Variants in ANKRD27 observed in about 807,000 individuals in gnomAD.
ANKRD27 encodes the protein ankyrin repeat domain-containing protein 27.
Under a neutral mutation model 129.7 loss-of-function variants are expected in ANKRD27, and 112 were observed. The observed-to-expected ratio is 0.86, with a 90% confidence interval of 0.74 to 1.01. ANKRD27 has a LOEUF of 1.01. ANKRD27 is among the 50% of genes least tolerant of loss of function. The pLI, the probability that ANKRD27 is intolerant of heterozygous loss-of-function variation, is 0.00. For missense variants in ANKRD27, 1,258 were observed against 1,300.5 expected (o/e 0.97, Z 0.50); for synonymous variants, 516 against 511.2 (o/e 1.01, Z -0.13).
chr19:32,604,062 G>C (rs1971692590), intron 25 of ANKRD27, among the ~76,000 whole-genome samples: 1 of 152,182 alleles, frequency 6.6e-6, no homozygotes, highest in African/African-American at 2.4e-5. Context: ...ATGATTCCTG[G>C]TTCCCAGAGC....
intron 21 of ANKRD27, among the ~76,000 whole-genome samples, chr19:32,616,811 G>A (rs920311553): frequency 3.3e-5 from 5 of 152,072 alleles, no homozygotes; most frequent in East Asian, 1.9e-4. Context: ...GCCCCCTCTC[G>A]TGGCCCAGGA....
rs114806964 is a variant in ANKRD27 at position 32,640,500 on chromosome 19, C to G, written c.905-115G>C. 8,002 of 824,958 alleles carry G rather than the reference C, an allele frequency of 9.7e-3. 181 individuals carry two copies. Among genetic ancestry groups the G allele is most frequent in the East Asian group, 0.068 (2,609 of 38,550 alleles). The allele number at this position is 824,958 out of a possible 1,614,324, so 51.1% of individuals were successfully genotyped here. A position where few individuals can be genotyped will look rare whatever the true frequency, so the allele number is the denominator to read the frequency against. Reference sequence around the variant, plus strand: ...AACCACGTATCAGGGAGATCATACACTGGGGGAGAAATGTCATTGCACAAG... The same window carrying G: ...AACCACGTATCAGGGAGATCATACAGTGGGGGAGAAATGTCATTGCACAAG... On this transcript the variant is annotated intron_variant, in intron 10 of 28. Coordinates refer to ENST00000306065, the MANE Select transcript of ANKRD27 (RefSeq NM_032139.3).
At position 32,601,276 on chromosome 19, in the gene ANKRD27, T is replaced by C. The variant is rs1169054904; in HGVS notation, c.2767+739A>G. On this transcript the variant is annotated intron_variant, in intron 26 of 28. Coordinates refer to ENST00000306065, the MANE Select transcript of ANKRD27 (RefSeq NM_032139.3). ...TTGCACCACTGCGCTCCAGCCTGGG[T>C]GACAGAGTGAGACTCTGTCTCAAAA... Among the ~76,000 whole-genome samples, 8 of 150,844 alleles carry C rather than the reference T, an allele frequency of 5.3e-5. No individual in the cohort carries two copies. The East Asian group carries it at 1.6e-3, about 30-fold the overall frequency.
chr19:32,615,481 C>G (rs614361), intron 22 of ANKRD27, among the ~76,000 whole-genome samples, 177 bp downstream of exon 22: 93,960 of 151,472 alleles, frequency 0.62, 29,682 homozygotes, highest in Non-Finnish European at 0.69. Flanking sequence ...CTAGTCAGGA[C>G]ACTGAGGTGA....
intron 25 of ANKRD27, 53 bp from the exon 26 acceptor site, chr19:32,602,179 G>C (rs1041865789): frequency 8.9e-7 from 1 of 1,129,804 alleles, no homozygotes; most frequent in African/African-American, 1.6e-5. Flanking sequence ...TTTTTAATAG[G>C]TTATTATTTG....
chr19:32,632,272 G>A (rs1394981632), intron 12 of ANKRD27, among the ~76,000 whole-genome samples: 1 of 151,550 alleles, frequency 6.6e-6, no homozygotes, highest in African/African-American at 2.4e-5. Context: ...CTGGGTGAGA[G>A]AGCGAGACTC....
At chr19:32,652,647 G>A (rs1967440873) in intron 2 of ANKRD27, among the ~76,000 whole-genome samples, 1 of 151,828 alleles carries the variant, frequency 6.6e-6, no homozygotes, top group Non-Finnish European at 1.5e-5. Context: ...AACAAAAGGA[G>A]ACAGGTGAGG....
intron 3 of ANKRD27, among the ~76,000 whole-genome samples, chr19:32,647,366 A>G (rs1237163575): frequency 3.9e-5 from 6 of 152,252 alleles, no homozygotes; most frequent in African/African-American, 7.2e-5. Context: ...TGGAAGGCAC[A>G]TGATGTCAGC....
At chr19:32,605,042 T>A (rs1335253866) in intron 24 of ANKRD27, among the ~76,000 whole-genome samples, 1 of 151,850 alleles carries the variant, frequency 6.6e-6, no homozygotes, top group African/African-American at 2.4e-5. Context: ...ACTGCATTCC[T>A]AGGTGACAGA....
At position 32,649,730 on chromosome 19, in the gene ANKRD27, G is replaced by A. The variant is rs556404680; in HGVS notation, c.165C>T (p.Ser55=). ...SSIQSTCQFE[S]YILIPVEEHF... ...GCTCTTCCACAGGTATCAAAATGTA[G>A]GACTCAAACTGACAAGTAGACTGGA... is the stretch of plus-strand genomic sequence containing the variant. The change falls in exon 3 of 29, where the codon TCC becomes TCT. Residue 55 remains serine (S), a synonymous_variant. Transcript: ENST00000306065. The A allele has an allele frequency of 4.2e-5, 68 of 1,614,016 alleles. No individual in the cohort carries two copies. The South Asian group carries it at 7.0e-4, about 17-fold the overall frequency.
intron 26 of ANKRD27, among the ~76,000 whole-genome samples, chr19:32,601,445 C>A (rs1194944121): frequency 6.6e-6 from 1 of 151,226 alleles, no homozygotes; most frequent in Non-Finnish European, 1.5e-5. Flanking sequence ...AATACAAAAA[C>A]AAAATTAGCT....
chr19:32,599,965 TACTC>T lies in ANKRD27; in HGVS notation c.2846+3_2846+6del. ...AGCACAGAAATCAACTTGAGTTTCA[TACTC>T]ACTTAAACTGACCAGCTGAGTGGAC... On this transcript the variant is annotated splice_donor_5th_base_variant and intron_variant, in intron 27 of 28. Coordinates refer to ENST00000306065, the MANE Select transcript of ANKRD27 (RefSeq NM_032139.3). 1 of 1,608,248 alleles carries T rather than the reference TACTC, an allele frequency of 6.2e-7. No individual in the cohort carries two copies. The highest frequency in any genetic ancestry group is 8.5e-7 in the Non-Finnish European group (1 of 1,175,654).
At position 32,597,175 on chromosome 19, in the gene ANKRD27, G is replaced by T. The variant is rs542873711; in HGVS notation, c.*970C>A. 7.3e-5 allele frequency: 11 copies of T among 150,032 alleles called. No individual in the cohort carries two copies. The South Asian group carries it at 2.4e-3, about 32-fold the overall frequency. 9.3% of individuals were successfully genotyped at this position (150,032 alleles called of 1,614,324 possible). A position where few individuals can be genotyped will look rare whatever the true frequency, so the allele number is the denominator to read the frequency against. On this transcript the variant is annotated 3_prime_UTR_variant, in exon 29 of 29. Coordinates refer to ENST00000306065, the MANE Select transcript of ANKRD27 (RefSeq NM_032139.3). ...GACAAAACCATTTCCCTATCACAAG[G>T]TCATTTGAAAACGGACTCAGGACAA...
chr19:32,645,885 C>T (rs1484855685), intron 4 of ANKRD27, among the ~76,000 whole-genome samples: 1 of 152,080 alleles, frequency 6.6e-6, no homozygotes. Flanking sequence ...ATCCGCCCAC[C>T]TCGGCCTCCC....
At chr19:32,664,439 A>C (rs988600809) in intron 1 of ANKRD27, among the ~76,000 whole-genome samples, 1 of 151,480 alleles carries the variant, frequency 6.6e-6, no homozygotes, top group Admixed American at 6.6e-5. Flanking sequence ...GGCCAACATC[A>C]TGAAACCCCG....
chr19:32,630,901 G>A (rs980242061), intron 13 of ANKRD27, among the ~76,000 whole-genome samples: 3 of 150,630 alleles, frequency 2.0e-5, no homozygotes, highest in Non-Finnish European at 4.4e-5. Context: ...CAAAGTGCTG[G>A]GATTACAGAA....
chr19:32,621,645 T>A (rs555050088), intron 18 of ANKRD27, among the ~76,000 whole-genome samples: 1 of 152,156 alleles, frequency 6.6e-6, no homozygotes, highest in South Asian at 2.1e-4. Context: ...CAAAAAAAAT[T>A]AAATATTTTT....
In ANKRD27 at chr19:32,649,681, C is replaced by G. The variant is rs745754978; in HGVS notation, c.213+1G>C. The G allele has an allele frequency of 6.3e-7, 1 of 1,597,584 alleles. No individual in the cohort carries two copies. Among genetic ancestry groups the G allele is most frequent in the East Asian group, 2.2e-5 (1 of 44,796 alleles). On this transcript the variant is annotated splice_donor_variant, in intron 3 of 28. Coordinates refer to ENST00000306065, the MANE Select transcript of ANKRD27 (RefSeq NM_032139.3). LOFTEE classifies it high-confidence loss of function. ...TGGCTGATCCACCAAGAAATGAATA[C>G]CTTTCCATTTAAGGTCTGAAAATGC...
intron 1 of ANKRD27, among the ~76,000 whole-genome samples, chr19:32,666,883 G>C (rs1967769158): frequency 6.6e-6 from 1 of 152,034 alleles, no homozygotes; most frequent in African/African-American, 2.4e-5. Flanking sequence ...CTGACCTCAA[G>C]TGATCCGCCC....
Sources: gnomAD v4.1 joint callset for allele counts (sites outside exome capture counted in the v4.1 genomes callset) on GRCh38, gnomAD v4.1.1 for gene constraint, MANE v1.5 for transcripts, NCBI Gene and HGNC (gene_info 2026-07-23, HGNC 2026-07-21) for gene names.